MAML2: variants seen among roughly 807,000 people sequenced by gnomAD.
MAML2 encodes mastermind-like protein 2.
A neutral mutation model predicts 96.1 loss-of-function variants in MAML2; 22 were observed. The observed-to-expected ratio is 0.23, with a 90% CI of 0.16 to 0.33. The LOEUF is 0.33. MAML2 is among the 10% of genes least tolerant of loss of function. MAML2 has a pLI of 1.00. For synonymous variants in MAML2, 561 were observed against 521.3 expected, an observed-to-expected ratio of 1.08 and a Z score of -1.04; for missense variants, 1,367 against 1,392.4, an observed-to-expected ratio of 0.98 and a Z score of 0.29.
rs141367998 is a variant in MAML2 at position 96,107,537 on chromosome 11, C to A, written c.514-14020G>T. Among the ~76,000 whole-genome samples, 435 of 152,206 alleles carry A rather than the reference C, an allele frequency of 2.9e-3. 5 individuals carry two copies. Among genetic ancestry groups the A allele is most frequent in the African/African-American group, 9.9e-3 (411 of 41,528 alleles). Reference sequence around the variant, plus strand: ...GGTCCTGGCATACAGTTACTAAAACCCTTGGACTCTCTAACATGATAAGTG... The same window carrying A: ...GGTCCTGGCATACAGTTACTAAAACACTTGGACTCTCTAACATGATAAGTG... On this transcript the variant is annotated intron_variant, in intron 1 of 4. Transcript: ENST00000524717.
intron 2 of MAML2, among the ~76,000 whole-genome samples, chr11:96,028,387 T>G (rs1223427887): frequency 6.6e-6 from 1 of 152,184 alleles, no homozygotes; most frequent in Non-Finnish European, 1.5e-5. Context: ...TAAACTCCAC[T>G]TCCCCTGGGA....
At chr11:96,330,392 T>C (rs1298929369) in intron 1 of MAML2, among the ~76,000 whole-genome samples, 1 of 152,230 alleles carries the variant, frequency 6.6e-6, no homozygotes, top group East Asian at 1.9e-4. Flanking sequence ...CAGCTACTAT[T>C]ATCCTGAAAA....
intron 1 of MAML2, among the ~76,000 whole-genome samples, chr11:96,293,094 A>G (rs1307312605): frequency 6.6e-6 from 1 of 152,226 alleles, no homozygotes; most frequent in Admixed American, 6.5e-5. Context: ...ACATGCATAC[A>G]TTTTTAAAAC....
intron 1 of MAML2, among the ~76,000 whole-genome samples, chr11:96,175,652 G>A (rs1055942236): frequency 6.6e-6 from 1 of 152,026 alleles, no homozygotes; most frequent in Non-Finnish European, 1.5e-5. Context: ...GTGCAGTGGC[G>A]TGATCTCGGC....
intron 2 of MAML2, among the ~76,000 whole-genome samples, chr11:96,010,108 C>T (rs749561205): frequency 4.6e-5 from 7 of 152,130 alleles, no homozygotes; most frequent in Non-Finnish European, 7.4e-5. Context: ...CATTATAAAC[C>T]TTCTGCTTTC....
intron 2 of MAML2, among the ~76,000 whole-genome samples, chr11:96,078,742 G>C (rs1859486959): frequency 6.6e-6 from 1 of 152,212 alleles, no homozygotes; most frequent in African/African-American, 2.4e-5. Flanking sequence ...AGCATAAATG[G>C]AATACATCAA....
intron 1 of MAML2, among the ~76,000 whole-genome samples, chr11:96,262,466 T>C (rs1484229400): frequency 7.0e-6 from 1 of 142,316 alleles, no homozygotes; most frequent in Non-Finnish European, 1.6e-5. Context: ...TAAAATTTAA[T>C]CTTTTTTTTT....
At chr11:96,274,981 T>C (rs567012710) in intron 1 of MAML2, among the ~76,000 whole-genome samples, 2 of 152,300 alleles carry the variant, frequency 1.3e-5, no homozygotes, top group African/African-American at 4.8e-5. Flanking sequence ...AGTCTACTTA[T>C]TCACTTAATT....
At position 96,184,302 on chromosome 11, in the gene MAML2, T is replaced by A. The variant is rs114353164; in HGVS notation, c.514-90785A>T. Among the ~76,000 whole-genome samples, 1,271 of 152,064 alleles carry A rather than the reference T, an allele frequency of 8.4e-3. 20 individuals carry two copies. Among genetic ancestry groups the A allele is most frequent in the African/African-American group, 0.029 (1,212 of 41,494 alleles). ...CTAAAAACGTAAAAATTAGTGGGCG[T>A]GGTGGCACATACCTGTAATCCCAGC... is the stretch of plus-strand genomic sequence containing the variant. On this transcript the variant is annotated intron_variant, in intron 1 of 4. Coordinates refer to ENST00000524717, the MANE Select transcript of MAML2 (RefSeq NM_032427.4).
chr11:96,138,430 A>G (rs1470907228), intron 1 of MAML2, among the ~76,000 whole-genome samples: 1 of 152,168 alleles, frequency 6.6e-6, no homozygotes, highest in East Asian at 1.9e-4. Flanking sequence ...TCTGTAAAAG[A>G]GGGAGCAAAA....
chr11:96,241,981 ATGG>A (rs1194349351), intron 1 of MAML2, among the ~76,000 whole-genome samples: 2 of 152,186 alleles, frequency 1.3e-5, no homozygotes, highest in African/African-American at 2.4e-5. Context: ...GCTTTGGGTT[ATGG>A]TTACTTGTTA....
chr11:96,151,971 C>G (rs1435312088), intron 1 of MAML2, among the ~76,000 whole-genome samples: 2 of 152,168 alleles, frequency 1.3e-5, no homozygotes, highest in East Asian at 3.8e-4. Flanking sequence ...AATCTTGGCA[C>G]TTTGGGAGGC....
At chr11:96,233,413 T>C (rs2135956406) in intron 1 of MAML2, among the ~76,000 whole-genome samples, 1 of 152,212 alleles carries the variant, frequency 6.6e-6, no homozygotes, top group African/African-American at 2.4e-5. Context: ...TTTTTTTTTT[T>C]TCTTAATTTA....
chr11:95,985,011 T>C (rs1857803860), intron 4 of MAML2, among the ~76,000 whole-genome samples: 1 of 152,152 alleles, frequency 6.6e-6, no homozygotes, highest in Non-Finnish European at 1.5e-5. Flanking sequence ...ATTAAGAAGA[T>C]TTGCTTTGTG....
At chr11:96,070,529 C>G (rs1859328463) in intron 2 of MAML2, among the ~76,000 whole-genome samples, 2 of 152,232 alleles carry the variant, frequency 1.3e-5, no homozygotes, top group Non-Finnish European at 2.9e-5. Flanking sequence ...AGGGAAGCTG[C>G]TTGCAGTGCC....
intron 1 of MAML2, among the ~76,000 whole-genome samples, chr11:96,191,939 G>A (rs923413645): frequency 1.6e-4 from 25 of 152,292 alleles, no homozygotes; most frequent in African/African-American, 5.8e-4. Flanking sequence ...GTCAGTGACA[G>A]TGTTGAAATC....
At chr11:96,182,069 A>G (rs1861495322) in intron 1 of MAML2, among the ~76,000 whole-genome samples, 1 of 152,184 alleles carries the variant, frequency 6.6e-6, no homozygotes, top group South Asian at 2.1e-4. Context: ...TTGTAAATTC[A>G]AAGACCTGAG....
chr11:96,112,604 G>A (rs1860148293), intron 1 of MAML2, among the ~76,000 whole-genome samples: 1 of 152,236 alleles, frequency 6.6e-6, no homozygotes, highest in Non-Finnish European at 1.5e-5. Context: ...AGAACCAGAA[G>A]GAGACCATTC....
intron 2 of MAML2, among the ~76,000 whole-genome samples, chr11:96,041,358 G>A (rs1018878937): frequency 2.6e-5 from 4 of 151,096 alleles, no homozygotes; most frequent in African/African-American, 7.3e-5. Context: ...AAATTTAGCC[G>A]GGCATAGTGG....
Sources: allele counts gnomAD v4.1 joint callset (sites outside exome capture counted in the v4.1 genomes callset), GRCh38; gene constraint gnomAD v4.1.1; transcripts MANE v1.5; gene names NCBI Gene and HGNC (gene_info 2026-07-23, HGNC 2026-07-21).